Variants in GPRC5B observed in about 807,000 individuals in gnomAD.
GPRC5B encodes G protein-coupled receptor family C group 5 member B.
In GPRC5B, 16 loss-of-function variants were observed where a neutral mutation model predicts 30.1. That is an observed-to-expected ratio of 0.53 (90% CI 0.36 to 0.81). The LOEUF (loss-of-function observed/expected upper bound fraction) is 0.81. Among genes scored for constraint, GPRC5B ranks in the 30% least tolerant of loss-of-function variants. GPRC5B has a pLI of 0.01. For missense variants in GPRC5B, 428 were observed against 544.7 expected (o/e 0.79, Z 2.13); for synonymous variants, 241 against 239.5 (o/e 1.01, Z -0.06).
At chr16:19,885,159 G>A, upstream of GPRC5B, 2 of 1,247,546 alleles carry the variant, frequency 1.6e-6, no homozygotes, top group Admixed American at 2.3e-5. The surrounding 1 kb of genome is among the most constrained non-coding windows in gnomAD (Gnocchi z 5.3). Flanking sequence ...AACTCCCCAG[G>A]GTAGATCCAT....
At position 19,884,815 on chromosome 16, in the gene GPRC5B, G is replaced by A. The variant is rs2056838214; in HGVS notation, c.-90C>T. 3 of 983,754 alleles carry A rather than the reference G, an allele frequency of 3.0e-6. No individual in the cohort carries two copies. The highest frequency in any genetic ancestry group is 6.2e-5 in the Admixed American group (1 of 16,122). The allele number at this position is 983,754 out of a possible 1,614,324, so 60.9% of individuals were successfully genotyped here. On this transcript the variant is annotated 5_prime_UTR_variant, in exon 1 of 4. Coordinates refer to ENST00000300571, the MANE Select transcript of GPRC5B (RefSeq NM_016235.3). ...GGCGCGGCCGCGGCCCCCGCTCCAC[G>A]CACGCCCGCCTGCGGGTCCAGCTTC...
intron 1 of GPRC5B, among the ~76,000 whole-genome samples, chr16:19,875,972 C>T (rs1281754808): frequency 6.6e-6 from 1 of 152,070 alleles, no homozygotes; most frequent in Non-Finnish European, 1.5e-5. Flanking sequence ...GCCAACAGTC[C>T]CCGACCCAGT....
In GPRC5B at chr16:19,859,483, T is replaced by C. The variant is rs2056602847; in HGVS notation, c.*1017A>G. The C allele has an allele frequency of 6.6e-6, 1 of 152,218 alleles. No homozygotes were observed. The highest frequency in any genetic ancestry group is 1.5e-5 in the Non-Finnish European group (1 of 68,052). The allele number at this position is 152,218 out of a possible 1,614,324, so 9.4% of individuals were successfully genotyped here. On this transcript the variant is annotated 3_prime_UTR_variant, in exon 4 of 4. Transcript: ENST00000300571. The stretch of plus-strand genomic sequence containing the variant: ...GGAAAGGACCCGAGGTGTCACTGCT[T>C]GTGAGGCAGCGAGAGGTCATCTCTG...
At chr16:19,870,036 C>T (rs2056702340) in intron 2 of GPRC5B, among the ~76,000 whole-genome samples, 1 of 152,158 alleles carries the variant, frequency 6.6e-6, no homozygotes, top group Non-Finnish European at 1.5e-5. Flanking sequence ...GATTGTGCCA[C>T]TGCACTCTAG....
At chr16:19,865,714 C>T (rs1447671058) in intron 2 of GPRC5B, among the ~76,000 whole-genome samples, 2 of 152,062 alleles carry the variant, frequency 1.3e-5, no homozygotes, top group Non-Finnish European at 2.9e-5. Context: ...CGTTGAGAGT[C>T]AGAAGCAGGC....
Position 19,857,516 on chromosome 16 carries a change from A to G in GPRC5B, c.*2984T>C. The G allele has an allele frequency of 2.4e-6, 1 of 411,434 alleles. No individual in the cohort carries two copies. The highest frequency in any genetic ancestry group is 1.8e-5 in the South Asian group (1 of 55,072). The allele number at this position is 411,434 out of a possible 1,614,324, so 25.5% of individuals were successfully genotyped here. ...TATAAAACACACATTAATGCATTTA[A>G]TAAATATATATTATCTATCAAAAGT... On this transcript the variant is annotated 3_prime_UTR_variant, in exon 4 of 4. Transcript: ENST00000300571.
intron 1 of GPRC5B, among the ~76,000 whole-genome samples, chr16:19,879,213 G>A (rs368640331): frequency 1.6e-4 from 24 of 151,962 alleles, no homozygotes; most frequent in South Asian, 2.1e-4. Context: ...AGTCAGCCTC[G>A]AGGCAGGATT....
chr16:19,873,464 CAAAAAAAA>C (rs1224351499), intron 1 of GPRC5B, among the ~76,000 whole-genome samples: 1 of 55,784 alleles, frequency 1.8e-5, no homozygotes, highest in Admixed American at 2.1e-4. Flanking sequence ...ACTCCGTCTC[CAAAAAAAA>C]AAAAAAAAAC....
At chr16:19,862,614 A>C (rs1044702152) in intron 2 of GPRC5B, among the ~76,000 whole-genome samples, 6 of 151,216 alleles carry the variant, frequency 4.0e-5, no homozygotes, top group Non-Finnish European at 7.4e-5. Flanking sequence ...TCTAACAAAC[A>C]AAAAAAAAGG....
upstream of GPRC5B, chr16:19,884,990 C>G (rs111852063): frequency 2.9e-5 from 18 of 622,680 alleles, no homozygotes; most frequent in Non-Finnish European, 3.4e-5. Context: ...GCCGGCGGTT[C>G]CGCGCGGGGC....
At chr16:19,885,544 C>A (rs988265030), upstream of GPRC5B, 54 of 1,103,556 alleles carry the variant, frequency 4.9e-5, no homozygotes, top group Non-Finnish European at 5.2e-5. The surrounding 1 kb of genome is among the most constrained non-coding windows in gnomAD (Gnocchi z 5.3). Flanking sequence ...AGTCGGTGCA[C>A]CCCTCACGTG....
chr16:19,872,492 G>T lies in GPRC5B; in HGVS notation c.354C>A (p.Asp118Glu). 1 of 1,613,806 alleles carries T rather than the reference G, an allele frequency of 6.2e-7. No individual in the cohort carries two copies. Residue 118 changes from aspartate to glutamate, a missense_variant, in exon 2 of 4, where the codon GAC (aspartate) becomes GAA (glutamate). Physicochemically the swap from Asp to Glu is conservative, Grantham distance 45 (BLOSUM62 2). Around this residue, in one of 3 missense-constraint regions of GPRC5B, gnomAD observed 196 missense variants for 272.6 expected, o/e 0.72. Coordinates refer to ENST00000300571, the MANE Select transcript of GPRC5B (RefSeq NM_016235.3). The surrounding 1 kb of genome is among the most constrained non-coding windows in gnomAD (Gnocchi z 5.0). Reference protein sequence around the residue: ...GLTFAFIIQEDETICSVRRFL... With the variant: ...GLTFAFIIQEEETICSVRRFL... ...AGCGGCGGACAGAGCAGATGGTCTCGTCCTCCTGGATGATGAAGGCAAACG... is the reference window on the plus strand; with the variant it reads ...AGCGGCGGACAGAGCAGATGGTCTCTTCCTCCTGGATGATGAAGGCAAACG...
At chr16:19,884,327 C>T (rs2141156560) in intron 1 of GPRC5B, among the ~76,000 whole-genome samples, 2 of 151,428 alleles carry the variant, frequency 1.3e-5, no homozygotes, top group South Asian at 4.2e-4. Context: ...CAGCCCCCAA[C>T]GCGGCCCCAG....
In GPRC5B at chr16:19,871,841, G is replaced by T; in HGVS notation, c.1005C>A (p.Ala335=). The change falls in exon 2 of 4, where the codon GCC becomes GCA. Residue 335 remains alanine (A), a synonymous_variant. Transcript: ENST00000300571. ...CTGCATTGTGTTCATCCATGGAGAA[G>T]GCCTTGTTCTCCATATAGGCCCGCG... is the stretch of plus-strand genomic sequence containing the variant. ...QLPRAYMENK[A]FSMDEHNAAL... is the part of the protein sequence containing the mutation. 3.1e-6 allele frequency: 5 copies of T among 1,613,828 alleles called. No individual in the cohort carries two copies. The highest frequency in any genetic ancestry group is 1.6e-4 in the Middle Eastern group (1 of 6,062).
At chr16:19,862,040 T>C in intron 2 of GPRC5B, 67 bp from the exon 3 acceptor site, 1 of 1,523,524 alleles carries the variant, frequency 6.6e-7, no homozygotes, top group Non-Finnish European at 9.1e-7. Context: ...TTTCTTCCCC[T>C]GCAACAACAG....
chr16:19,856,759 T>G lies in GPRC5B; in HGVS notation c.*3741A>C, dbSNP rs113160872. The G allele has an allele frequency of 2.9e-5, 16 of 546,448 alleles. No individual in the cohort carries two copies. Among genetic ancestry groups the G allele is most frequent in the Non-Finnish European group, 4.8e-5 (15 of 310,068 alleles). The allele number at this position is 546,448 out of a possible 1,614,324, so 33.8% of individuals were successfully genotyped here. On this transcript the variant is annotated 3_prime_UTR_variant, in exon 4 of 4. Coordinates refer to ENST00000300571, the MANE Select transcript of GPRC5B (RefSeq NM_016235.3). ...GGACCAGTCTTCACTTTCTGCATTA[T>G]CCCCACATTTTATTCATTCATCCAG...
chr16:19,866,726 T>C (rs1597625552), intron 2 of GPRC5B, among the ~76,000 whole-genome samples: 1 of 152,298 alleles, frequency 6.6e-6, no homozygotes, highest in East Asian at 1.9e-4. Context: ...TGATTCTATA[T>C]GATTATTGTT....
At chr16:19,879,609 A>T (rs1453567118) in intron 1 of GPRC5B, among the ~76,000 whole-genome samples, 1 of 152,066 alleles carries the variant, frequency 6.6e-6, no homozygotes, top group Non-Finnish European at 1.5e-5. Flanking sequence ...CGGAGGCTAC[A>T]CCAAGGCCAT....
rs986963953 is a variant in GPRC5B at position 19,858,855 on chromosome 16, A to G, written c.*1645T>C. 3.5e-6 allele frequency: 1 copy of G among 285,488 alleles called. No individual in the cohort carries two copies. Among genetic ancestry groups the G allele is most frequent in the Non-Finnish European group, 6.4e-6 (1 of 155,198 alleles). 17.7% of individuals were successfully genotyped at this position (285,488 alleles called of 1,614,324 possible). A position where few individuals can be genotyped will look rare whatever the true frequency, so the allele number is the denominator to read the frequency against. ...CATGCGTGGTAACACAAGGAAATGT[A>G]CTAACTGTTAAGGAAAACTCGAAGG... is the stretch of plus-strand genomic sequence containing the variant. On this transcript the variant is annotated 3_prime_UTR_variant, in exon 4 of 4. Transcript: ENST00000300571.
Sources: allele counts gnomAD v4.1 joint callset (sites outside exome capture counted in the v4.1 genomes callset), GRCh38; gene constraint gnomAD v4.1.1; regional missense constraint gnomAD v4.1.1; non-coding constraint Gnocchi (gnomAD v3.1); transcripts MANE v1.5; gene names NCBI Gene and HGNC (gene_info 2026-07-23, HGNC 2026-07-21).